USP7: variants seen among roughly 807,000 people sequenced by gnomAD.
USP7 encodes the protein ubiquitin C-terminal hydrolase 7.
A neutral mutation model predicts 162.9 loss-of-function variants in USP7; 9 were observed. The observed-to-expected ratio is 0.06, with a 90% confidence interval of 0.03 to 0.10. USP7 has a LOEUF of 0.10. USP7 is among the 10% of genes least tolerant of loss of function. USP7 has a pLI of 1.00. For missense variants in USP7, 715 were observed against 1,373.7 expected, an observed-to-expected ratio of 0.52 and a Z score of 7.58; for synonymous variants, 562 against 475.9, an observed-to-expected ratio of 1.18 and a Z score of -2.35.
chr16:8,935,011 T>C (rs1596398184), intron 1 of USP7, among the ~76,000 whole-genome samples: 1 of 152,260 alleles, frequency 6.6e-6, no homozygotes, highest in East Asian at 1.9e-4. Context: ...AAATCTGTAC[T>C]AGACTTCTAG....
intron 2 of USP7, among the ~76,000 whole-genome samples, chr16:8,926,516 G>T (rs2141222368): frequency 6.6e-6 from 1 of 152,202 alleles, no homozygotes; most frequent in Non-Finnish European, 1.5e-5. Flanking sequence ...CCAAAAAAAA[G>T]GAGAAGTGGA....
chr16:8,893,568 G>A lies in USP7; in HGVS notation c.*430C>T, dbSNP rs2061635436. ...ACAGATGCACAAAAGGTCATTGAAA[G>A]TATAACTGAAGGAAATAGGTCAGAC... On this transcript the variant is annotated 3_prime_UTR_variant, in exon 31 of 31. Coordinates refer to ENST00000344836, the MANE Select transcript of USP7 (RefSeq NM_003470.3). 1 of 169,966 alleles carries A rather than the reference G, an allele frequency of 5.9e-6. No homozygotes were observed. Among genetic ancestry groups the A allele is most frequent in the Non-Finnish European group, 1.3e-5 (1 of 76,880 alleles). 10.5% of individuals were successfully genotyped at this position (169,966 alleles called of 1,614,324 possible). A position where few individuals can be genotyped will look rare whatever the true frequency, so the allele number is the denominator to read the frequency against.
chr16:8,905,786 G>C (rs1476727942), intron 13 of USP7, among the ~76,000 whole-genome samples: 1 of 152,224 alleles, frequency 6.6e-6, no homozygotes, highest in Non-Finnish European at 1.5e-5. Context: ...TTAAGGGCCA[G>C]ACTGAAGTCA....
chr16:8,928,155 ATC>A (rs1490964971), intron 2 of USP7, among the ~76,000 whole-genome samples: 24 of 152,344 alleles, frequency 1.6e-4, no homozygotes, highest in African/African-American at 5.8e-4. Flanking sequence ...CATGTCTCCC[ATC>A]TCTTTGTCTC....
chr16:8,941,419 C>T (rs1018425187), intron 1 of USP7, among the ~76,000 whole-genome samples: 1 of 152,166 alleles, frequency 6.6e-6, no homozygotes, highest in Non-Finnish European at 1.5e-5. Context: ...TAGCCTAATA[C>T]GTTACTTTTC....
intron 11 of USP7, 52 bp from the exon 12 acceptor site, chr16:8,908,502 A>G (rs778689457): frequency 6.8e-7 from 1 of 1,460,644 alleles, no homozygotes. Flanking sequence ...TTACTCCTGG[A>G]AGCAATGAAA....
At chr16:8,962,163 G>A (rs1438951213) in intron 1 of USP7, among the ~76,000 whole-genome samples, 1 of 152,186 alleles carries the variant, frequency 6.6e-6, no homozygotes, top group South Asian at 2.1e-4. Flanking sequence ...TTCATTCATT[G>A]AGGCAACCCA....
At chr16:8,920,281 T>C in intron 5 of USP7, 78 bp downstream of exon 5, 4 of 1,231,188 alleles carry the variant, frequency 3.2e-6, no homozygotes, top group African/African-American at 1.5e-5. Flanking sequence ...TGTGCATCTC[T>C]ATTACATGCA....
chr16:8,916,990 G>T lies in USP7; in HGVS notation c.851+36C>A, dbSNP rs76311746. 150 of 1,461,176 alleles carry T rather than the reference G, an allele frequency of 1.0e-4. No individual in the cohort carries two copies. The East Asian group carries it at 3.1e-3, about 30-fold the overall frequency. The allele number at this position is 1,461,176 out of a possible 1,614,324, so 90.5% of individuals were successfully genotyped here. On this transcript the variant is annotated intron_variant, in intron 7 of 30. Transcript: ENST00000344836. ...GTCCTAAAAAAAAAAAAAAAAAGAG[G>T]AAGCAGAATGGCAAAGGCAGATGTC...
intron 15 of USP7, among the ~76,000 whole-genome samples, chr16:8,904,125 T>C (rs1236715882): frequency 6.6e-6 from 1 of 152,150 alleles, no homozygotes; most frequent in Non-Finnish European, 1.5e-5. Context: ...GTGTTACAAA[T>C]ACTCAGGCAG....
chr16:8,948,856 C>A (rs1031743462), intron 1 of USP7, among the ~76,000 whole-genome samples: 3 of 152,102 alleles, frequency 2.0e-5, no homozygotes, highest in Admixed American at 6.5e-5. Flanking sequence ...TCCAGCTACT[C>A]GGGAGGCTGA....
At position 8,893,940 on chromosome 16, in the gene USP7, T is replaced by A; in HGVS notation, c.*58A>T. ...CTAGAGGGCACGTGCACCAAAGTTCTAGGCTGTTAAGGGGCCACCCACACA... is the reference window on the plus strand; with the variant it reads ...CTAGAGGGCACGTGCACCAAAGTTCAAGGCTGTTAAGGGGCCACCCACACA... On this transcript the variant is annotated 3_prime_UTR_variant, in exon 31 of 31. Transcript: ENST00000344836. 2 of 1,509,074 alleles carry A rather than the reference T, an allele frequency of 1.3e-6. No homozygotes were observed. 93.5% of individuals were successfully genotyped at this position (1,509,074 alleles called of 1,614,324 possible).
rs1021048045 is a variant in USP7, at chr16:8,900,979, A to T, written c.2208+11T>A. On this transcript the variant is annotated intron_variant, in intron 20 of 30. Coordinates refer to ENST00000344836, the MANE Select transcript of USP7 (RefSeq NM_003470.3). ...GAATATACTAATTATGGAAAAATAA[A>T]CCATCCAAACCTCATAGAGGATAAG... The T allele has an allele frequency of 6.2e-7, 1 of 1,610,978 alleles. No homozygotes were observed. The highest frequency in any genetic ancestry group is 1.3e-5 in the African/African-American group (1 of 74,726).
At chr16:8,949,399 G>A (rs1271345761) in intron 1 of USP7, among the ~76,000 whole-genome samples, 86 of 152,086 alleles carry the variant, frequency 5.7e-4, no homozygotes, top group Admixed American at 5.6e-3. Flanking sequence ...AAATGCCTGG[G>A]GCACAGTCCC....
chr16:8,900,968 T>C (rs749036509), intron 20 of USP7, 22 bp downstream of exon 20: 1 of 1,609,664 alleles, frequency 6.2e-7, no homozygotes, highest in South Asian at 1.1e-5. Flanking sequence ...ATACTAATTA[T>C]GGAAAAATAA....
chr16:8,903,177 C>T, intron 16 of USP7, 91 bp downstream of exon 16: 1 of 1,514,320 alleles, frequency 6.6e-7, no homozygotes, highest in South Asian at 1.3e-5. Flanking sequence ...ACAGCACCTA[C>T]CCCCAAAGGC....
At chr16:8,898,795 C>G (rs1469845377) in intron 23 of USP7, 156 bp from the exon 24 acceptor site, 9 of 641,948 alleles carry the variant, frequency 1.4e-5, no homozygotes, top group Non-Finnish European at 2.1e-5. Flanking sequence ...TTCCCAAGAA[C>G]TAAGTCCCAC....
chr16:8,935,881 T>C (rs1898683871), intron 1 of USP7: 1 of 152,222 alleles, frequency 6.6e-6, no homozygotes, highest in Admixed American at 6.5e-5. Flanking sequence ...ACAGAACTGC[T>C]ACCCCACCAG....
chr16:8,904,546 G>A lies in USP7; in HGVS notation c.1593C>T (p.Val531=), dbSNP rs914355425. Reference sequence around the variant, plus strand: ...ACTGCTGAGGAATATCATGGTCGGTGACCGCCTGTAAAACTTCACCTGCAG... The same window carrying A: ...ACTGCTGAGGAATATCATGGTCGGTAACCGCCTGTAAAACTTCACCTGCAG... ...ESKLSEVLQA[V]TDHDIPQQLV... The change falls in exon 15 of 31, where the codon GTC becomes GTT. Residue 531 remains valine, a synonymous_variant. Coordinates refer to ENST00000344836, the MANE Select transcript of USP7 (RefSeq NM_003470.3). 1 of 1,614,032 alleles carries A rather than the reference G, an allele frequency of 6.2e-7. No individual in the cohort carries two copies. The highest frequency in any genetic ancestry group is 8.5e-7 in the Non-Finnish European group (1 of 1,180,020).
Sources: allele counts gnomAD v4.1 joint callset (sites outside exome capture counted in the v4.1 genomes callset), GRCh38; gene constraint gnomAD v4.1.1; transcripts MANE v1.5; gene names NCBI Gene and HGNC (gene_info 2026-07-23, HGNC 2026-07-21).